SIMC1: variants seen among roughly 807,000 people sequenced by gnomAD.
SIMC1 encodes SUMO interacting motifs containing 1, also known as SUMO-interacting motif-containing protein 1.
In SIMC1, 55 loss-of-function variants were observed where a neutral mutation model predicts 82.3. That is an observed-to-expected ratio of 0.67 (90% CI 0.54 to 0.84). SIMC1 has a LOEUF of 0.84. SIMC1 is among the 40% of genes least tolerant of loss of function. The pLI is 0.00. For synonymous variants in SIMC1, 353 were observed against 426.3 expected (o/e 0.83, Z 2.12); for missense variants, 915 against 1,107.2 (o/e 0.83, Z 2.46).
intron 5 of SIMC1, among the ~76,000 whole-genome samples, chr5:176,316,027 T>C (rs2113352008): frequency 6.6e-6 from 1 of 151,250 alleles, no homozygotes; most frequent in East Asian, 2.0e-4. Flanking sequence ...ATACAAAAAT[T>C]AGCCAGGCAT....
chr5:176,324,903 G>A lies in SIMC1; in HGVS notation c.2171+146G>A, dbSNP rs1372553819. 3 of 951,304 alleles carry A rather than the reference G, an allele frequency of 3.2e-6. No individual in the cohort carries two copies. In the African/African-American group the frequency reaches 5.0e-5, roughly 16 times the overall value. The allele number at this position is 951,304 out of a possible 1,614,324, so 58.9% of individuals were successfully genotyped here. On this transcript the variant is annotated intron_variant, in intron 7 of 9. Transcript: ENST00000429602. ...CAAGAGAAAATTCCAAACTAATTAA[G>A]ATAGGAAGAAAATAGTAGAAGGATT... is the stretch of plus-strand genomic sequence containing the variant.
chr5:176,336,837 C>T lies in SIMC1; in HGVS notation c.2289C>T (p.Leu763=). The part of the protein sequence containing the change: ...TRLPLSLAQA[L]YFLNNSTSLL... ...TGCCTCTGTCTCTGGCCCAGGCCCT[C>T]TACTTTCTGAATAATTCTACGTCAC... The change falls in exon 8 of 10, where the codon CTC becomes CTT. Residue 763 remains leucine, a synonymous_variant. Transcript: ENST00000429602. 3 of 1,613,994 alleles carry T rather than the reference C, an allele frequency of 1.9e-6. 1 individual carries two copies. The highest frequency in any genetic ancestry group is 2.2e-5 in the South Asian group (2 of 91,076).
At chr5:176,332,031 A>G (rs1178851412) in intron 7 of SIMC1, among the ~76,000 whole-genome samples, 1 of 152,104 alleles carries the variant, frequency 6.6e-6, no homozygotes, top group Non-Finnish European at 1.5e-5. Context: ...TGAAATTGTC[A>G]ATACAAAAAG....
At chr5:176,329,101 A>G (rs1266050219) in intron 7 of SIMC1, among the ~76,000 whole-genome samples, 2 of 152,108 alleles carry the variant, frequency 1.3e-5, no homozygotes, top group Non-Finnish European at 2.9e-5. Flanking sequence ...ACCCATTCTC[A>G]TGCACTCATT....
chr5:176,253,129 G>A (rs1581219380), intron 1 of SIMC1, among the ~76,000 whole-genome samples: 1 of 152,192 alleles, frequency 6.6e-6, no homozygotes, highest in African/African-American at 2.4e-5. Flanking sequence ...GGAGACTGTG[G>A]AAAGGGGAGA....
Position 176,296,047 on chromosome 5 carries a change from T to G in SIMC1, c.1665-204T>G, listed in dbSNP as rs1019030991. 1.4e-5 allele frequency: 13 copies of G among 916,450 alleles called. No individual in the cohort carries two copies. In the Admixed American group the frequency reaches 2.1e-4, roughly 14 times the overall value. The allele number at this position is 916,450 out of a possible 1,614,324, so 56.8% of individuals were successfully genotyped here. A position where few individuals can be genotyped will look rare whatever the true frequency, so the allele number is the denominator to read the frequency against. On this transcript the variant is annotated intron_variant, in intron 3 of 9. Transcript: ENST00000429602. Reference sequence around the variant, plus strand: ...AGACAAAATTATAGTACTAAAGCTTTCCAAAAGGGGACTGGATACTGGGTA... The same window carrying G: ...AGACAAAATTATAGTACTAAAGCTTGCCAAAAGGGGACTGGATACTGGGTA...
At chr5:176,253,849 G>A (rs1414092928) in intron 1 of SIMC1, among the ~76,000 whole-genome samples, 3 of 152,060 alleles carry the variant, frequency 2.0e-5, no homozygotes, top group Non-Finnish European at 2.9e-5. Context: ...TGATAATCTC[G>A]GTTTGTGTAA....
At chr5:176,293,346 A>G (rs1376299250) in intron 2 of SIMC1, among the ~76,000 whole-genome samples, 1 of 150,930 alleles carries the variant, frequency 6.6e-6, no homozygotes, top group African/African-American at 2.4e-5. Flanking sequence ...GAGGCAGGAG[A>G]ATGGCATGAA....
chr5:176,276,225 A>G (rs11749483), intron 1 of SIMC1, among the ~76,000 whole-genome samples: 57,457 of 151,204 alleles, frequency 0.38, 13,790 homozygotes, highest in East Asian at 0.52. Flanking sequence ...CAAGGAATTT[A>G]TCCATTTCTT....
chr5:176,320,391 A>G (rs1765110243), intron 5 of SIMC1, among the ~76,000 whole-genome samples: 1 of 150,546 alleles, frequency 6.6e-6, no homozygotes, highest in Non-Finnish European at 1.5e-5. Context: ...TTTGAGGCGG[A>G]GTCTCACTCT....
Position 176,338,023 on chromosome 5 carries a change from A to G in SIMC1, c.2413+877A>G, listed in dbSNP as rs181961140. ...AAGAACTGATGAATTATTAATTACT[A>G]GAGGAAAAATAGTAACTTGCTAGGG... is the stretch of plus-strand genomic sequence containing the variant. On this transcript the variant is annotated intron_variant, in intron 9 of 9. Transcript: ENST00000429602. Among the ~76,000 whole-genome samples, 195 of 152,326 alleles carry G rather than the reference A, an allele frequency of 1.3e-3. 1 individual carries two copies. Among genetic ancestry groups the G allele is most frequent in the African/African-American group, 4.5e-3 (189 of 41,578 alleles).
Position 176,336,750 on chromosome 5 carries a change from C to T in SIMC1, c.2202C>T (p.His734=), listed in dbSNP as rs1160534345. ...TGTTCTTTACTACCATGGAAAGCCA[C>T]CTTCTGCGCTGCAAAGTGTTAGAAA... ...REMFFTTMES[H]LLRCKVLEII... The change falls in exon 8 of 10, where the codon CAC becomes CAT. Residue 734 remains histidine (H), a synonymous_variant. Transcript: ENST00000429602. 1 of 1,614,020 alleles carries T rather than the reference C, an allele frequency of 6.2e-7. No individual in the cohort carries two copies.
intron 1 of SIMC1, among the ~76,000 whole-genome samples, chr5:176,272,752 C>G (rs1256443043): frequency 6.6e-6 from 1 of 152,194 alleles, no homozygotes; most frequent in Non-Finnish European, 1.5e-5. Context: ...TGTGCTTTTC[C>G]AATGGTCTTA....
At chr5:176,336,986 A>C in intron 8 of SIMC1, 76 bp from the exon 9 acceptor site, 2 of 1,602,914 alleles carry the variant, frequency 1.2e-6, no homozygotes, top group Non-Finnish European at 1.7e-6. Flanking sequence ...GCATTCTGTA[A>C]AGGTGAATTG....
intron 1 of SIMC1, among the ~76,000 whole-genome samples, chr5:176,263,201 T>G: frequency 6.6e-6 from 1 of 152,232 alleles, no homozygotes. Context: ...CATCAAGATG[T>G]CAATTCTTCC....
At chr5:176,344,633 G>A (rs1346350325) in intron 9 of SIMC1, among the ~76,000 whole-genome samples, 1 of 152,198 alleles carries the variant, frequency 6.6e-6, no homozygotes, top group East Asian at 1.9e-4. Context: ...AGGGGAAGCA[G>A]ACACGTTTTA....
chr5:176,345,375 T>G lies in SIMC1; in HGVS notation c.2606T>G (p.Leu869Arg), dbSNP rs762563028. The part of the protein sequence containing the change: ...QLQDKVHLLK[L>R]LLFYAADLNP... ...CAAGACAAAGTGCACTTGTTGAAGCTCCTGCTCTTCTATGCTGCGGACTTG... is the reference window on the plus strand; with the variant it reads ...CAAGACAAAGTGCACTTGTTGAAGCGCCTGCTCTTCTATGCTGCGGACTTG... Residue 869 changes from leucine to arginine, a missense_variant, in exon 10 of 10, where the codon CTC becomes CGC. Physicochemically the swap from Leu to Arg is moderately radical, Grantham distance 102 (BLOSUM62 -2). Transcript: ENST00000429602. 1.2e-6 allele frequency: 2 copies of G among 1,613,960 alleles called. No homozygotes were observed. The highest frequency in any genetic ancestry group is 2.2e-5 in the South Asian group (2 of 91,072).
Position 176,322,976 on chromosome 5 carries a change from G to A in SIMC1, c.2042+551G>A, listed in dbSNP as rs576251881. Among the ~76,000 whole-genome samples the A allele has an allele frequency of 1.2e-3, 190 of 152,252 alleles. No homozygotes were observed. The Middle Eastern group carries it at 0.017, about 14-fold the overall frequency. On this transcript the variant is annotated intron_variant, in intron 6 of 9. Coordinates refer to ENST00000429602, the MANE Select transcript of SIMC1 (RefSeq NM_001308195.2). ...GTGGTCTTGGCGTTTTTTGAGAGAT[G>A]CCGGGAGATTAGGGGCTGGGGCTAC...
chr5:176,253,879 T>C (rs1203071291), intron 1 of SIMC1, among the ~76,000 whole-genome samples: 1 of 152,218 alleles, frequency 6.6e-6, no homozygotes, highest in African/African-American at 2.4e-5. Context: ...GCCATGAACC[T>C]AGGATTCAAG....
Sources: gnomAD v4.1 joint callset for allele counts (sites outside exome capture counted in the v4.1 genomes callset) on GRCh38, gnomAD v4.1.1 for gene constraint, MANE v1.5 for transcripts, NCBI Gene and HGNC (gene_info 2026-07-23, HGNC 2026-07-21) for gene names.